RAPGEF4: variants seen among roughly 807,000 people sequenced by gnomAD.
RAPGEF4 encodes the protein Rap guanine nucleotide exchange factor 4.
RAPGEF4 carries 66 observed loss-of-function variants against 147.9 expected under a neutral mutation model. The ratio of observed to expected loss-of-function variants is 0.45; its 90% CI spans 0.37 to 0.55. The LOEUF (loss-of-function observed/expected upper bound fraction) is 0.55. Among genes scored for constraint, RAPGEF4 ranks in the 20% least tolerant of loss-of-function variants. The pLI, the probability that RAPGEF4 is intolerant of heterozygous loss-of-function variation, is 0.00. For missense variants in RAPGEF4, 1,071 were observed against 1,257.3 expected (o/e 0.85, Z 2.24); for synonymous variants, 419 against 442.7 (o/e 0.95, Z 0.67).
intron 6 of RAPGEF4, among the ~76,000 whole-genome samples, chr2:172,957,012 G>A (rs925697564): frequency 1.1e-4 from 17 of 152,204 alleles, no homozygotes; most frequent in African/African-American, 4.1e-4. Flanking sequence ...TGGGGTCATT[G>A]TACCTGCAGT....
intron 1 of RAPGEF4, among the ~76,000 whole-genome samples, chr2:172,770,025 G>A (rs574165425): frequency 6.6e-6 from 1 of 152,218 alleles, no homozygotes; most frequent in East Asian, 1.9e-4. Flanking sequence ...TTCTAAAGAG[G>A]GTGAGACTAA....
chr2:172,866,191 A>G lies in RAPGEF4; in HGVS notation c.445-51611A>G, dbSNP rs189934546. Reference sequence around the variant, plus strand: ...CTACTCTATCTCCCCTTTTATAGCCAATCTTTGTCATGGAATTGTCTATTT... The same window carrying G: ...CTACTCTATCTCCCCTTTTATAGCCGATCTTTGTCATGGAATTGTCTATTT... On this transcript the variant is annotated intron_variant, in intron 4 of 30. Coordinates refer to ENST00000397081, the MANE Select transcript of RAPGEF4 (RefSeq NM_007023.4). 1.0e-3 allele frequency among the ~76,000 whole-genome samples: 152 copies of G among 151,980 alleles called. 1 individual carries two copies. The highest frequency in any genetic ancestry group is 3.5e-3 in the African/African-American group (144 of 41,462).
At chr2:173,011,247 G>T (rs1575512530) in intron 17 of RAPGEF4, among the ~76,000 whole-genome samples, 1 of 150,426 alleles carries the variant, frequency 6.6e-6, no homozygotes, top group East Asian at 2.0e-4. Flanking sequence ...CTTTCCAGAT[G>T]CATTTATTCT....
intron 6 of RAPGEF4, among the ~76,000 whole-genome samples, chr2:172,945,928 A>T (rs943634559): frequency 1.3e-5 from 2 of 152,208 alleles, no homozygotes; most frequent in African/African-American, 4.8e-5. Flanking sequence ...GACAATGTGC[A>T]TTTGGAACCA....
At chr2:172,852,886 G>A (rs1458956156) in intron 4 of RAPGEF4, among the ~76,000 whole-genome samples, 1 of 151,882 alleles carries the variant, frequency 6.6e-6, no homozygotes. Flanking sequence ...CCACATGTTT[G>A]TTCTCTTTTA....
Position 173,018,838 on chromosome 2 carries a change from A to G in RAPGEF4, c.2155+36A>G, listed in dbSNP as rs78314279. On this transcript the variant is annotated intron_variant, in intron 22 of 30. Transcript: ENST00000397081. ...TAATTCATATTTTAGGCTCTGCAAA[A>G]TGGGACATTCCATCCAAGCAGAAAC... The G allele has an allele frequency of 4.6e-4, 729 of 1,601,522 alleles. 3 individuals are homozygous for G. The African/African-American group carries it at 8.1e-3, about 18-fold the overall frequency.
intron 6 of RAPGEF4, among the ~76,000 whole-genome samples, chr2:172,934,371 G>T (rs915375681): frequency 6.6e-6 from 1 of 151,662 alleles, no homozygotes; most frequent in Admixed American, 6.6e-5. Context: ...GGCTGGTCTC[G>T]AACTCCTGAC....
chr2:172,786,772 A>C (rs549243771), intron 1 of RAPGEF4, among the ~76,000 whole-genome samples: 3 of 152,140 alleles, frequency 2.0e-5, no homozygotes, highest in Non-Finnish European at 4.4e-5. Flanking sequence ...GCTTCGTGAG[A>C]GTCTGATGCA....
intron 4 of RAPGEF4, among the ~76,000 whole-genome samples, chr2:172,818,909 A>G (rs1231146438): frequency 2.6e-5 from 4 of 152,170 alleles, no homozygotes; most frequent in African/African-American, 9.7e-5. Context: ...TCTATCCCCA[A>G]TACCTCTTGC....
chr2:172,882,708 G>A (rs1184830776), intron 4 of RAPGEF4, among the ~76,000 whole-genome samples: 2 of 152,142 alleles, frequency 1.3e-5, no homozygotes, highest in Non-Finnish European at 2.9e-5. Flanking sequence ...AGTGAGGATA[G>A]TGTCTGTTCT....
At chr2:172,875,996 T>G (rs2149831089) in intron 4 of RAPGEF4, among the ~76,000 whole-genome samples, 1 of 152,310 alleles carries the variant, frequency 6.6e-6, no homozygotes, top group Admixed American at 6.5e-5. Flanking sequence ...TATTTTATTC[T>G]CTTTGAAGCA....
chr2:172,832,305 C>T (rs998304437), intron 4 of RAPGEF4, among the ~76,000 whole-genome samples: 2 of 151,946 alleles, frequency 1.3e-5, no homozygotes, highest in Non-Finnish European at 2.9e-5. Flanking sequence ...AAAAAGAAAC[C>T]TATTTTTAAT....
At chr2:173,036,069 C>A (rs959804269) in intron 27 of RAPGEF4, 56 bp from the exon 28 acceptor site, 178 of 1,316,852 alleles carry the variant, frequency 1.4e-4, no homozygotes, top group Non-Finnish European at 1.9e-4. Context: ...TAGGAGGTAA[C>A]AAAGGGTGGT....
At chr2:173,014,334 G>A in intron 17 of RAPGEF4, 130 bp from the exon 18 acceptor site, 1 of 1,128,422 alleles carries the variant, frequency 8.9e-7, no homozygotes, top group Non-Finnish European at 1.3e-6. Context: ...TTTCATGAGG[G>A]CCTAGGGGAG....
chr2:172,852,848 A>G (rs1693012323), intron 4 of RAPGEF4, among the ~76,000 whole-genome samples: 1 of 152,070 alleles, frequency 6.6e-6, no homozygotes. Flanking sequence ...ATGTTGTCAA[A>G]TGCTGTTTCT....
At chr2:172,818,034 G>A (rs1166142403) in intron 4 of RAPGEF4, among the ~76,000 whole-genome samples, 3 of 150,520 alleles carry the variant, frequency 2.0e-5, no homozygotes, top group African/African-American at 2.4e-5. Flanking sequence ...TGGCATTCAC[G>A]GCAATCTGGG....
At chr2:172,895,505 C>G (rs1294031874) in intron 4 of RAPGEF4, among the ~76,000 whole-genome samples, 7 of 152,152 alleles carry the variant, frequency 4.6e-5, no homozygotes, top group Non-Finnish European at 1.0e-4. Flanking sequence ...TTTACATGAA[C>G]AAGCCCCCAA....
Position 172,735,925 on chromosome 2 carries a change from C to A in RAPGEF4, c.-59C>A. On this transcript the variant is annotated 5_prime_UTR_variant, in exon 1 of 31. Transcript: ENST00000397081. ...GGCGGACGAGGCGGGGGCGGAGGCG[C>A]AGGCAGAGCGAGCGCGGGAGGTCGC... is the stretch of plus-strand genomic sequence containing the variant. 1 of 1,376,682 alleles carries A rather than the reference C, an allele frequency of 7.3e-7. No individual in the cohort carries two copies. Among genetic ancestry groups the A allele is most frequent in the Non-Finnish European group, 9.5e-7 (1 of 1,053,642 alleles). The allele number at this position is 1,376,682 out of a possible 1,614,324, so 85.3% of individuals were successfully genotyped here. A position where few individuals can be genotyped will look rare whatever the true frequency, so the allele number is the denominator to read the frequency against.
intron 4 of RAPGEF4, among the ~76,000 whole-genome samples, chr2:172,815,102 T>A (rs1296081166): frequency 6.6e-6 from 1 of 152,252 alleles, no homozygotes; most frequent in East Asian, 1.9e-4. Flanking sequence ...GCCTTGCATC[T>A]TTTACACTCG....
Sources: gnomAD v4.1 joint callset for allele counts (sites outside exome capture counted in the v4.1 genomes callset) on GRCh38, gnomAD v4.1.1 for gene constraint, MANE v1.5 for transcripts, NCBI Gene and HGNC (gene_info 2026-07-23, HGNC 2026-07-21) for gene names.